ARMCX2: variants seen among roughly 807,000 people sequenced by gnomAD.
ARMCX2 encodes armadillo repeat-containing X-linked protein 2.
ARMCX2 carries 2 observed loss-of-function variants against 17.0 expected under a neutral mutation model. The observed-to-expected ratio is 0.12, with a 90% CI of 0.05 to 0.37. The LOEUF (loss-of-function observed/expected upper bound fraction) is 0.37. Ranked by LOEUF, ARMCX2 falls within the 10% of genes least tolerant of loss-of-function variation. ARMCX2 has a pLI of 1.00. For synonymous variants in ARMCX2, 182 were observed against 195.2 expected (o/e 0.93, Z 0.57); for missense variants, 408 against 497.7 (o/e 0.82, Z 1.72).
rs1556070011 is a variant in ARMCX2, at chrX:101,657,416, C to T, written c.173G>A (p.Arg58Lys). ...CCCAAGGTCGATTGTGAATCCGGCT[C>T]TTAGCCCAGCTCTAGCCCTGGCTCC... ...GTGARARAGL[R>K]AGFTIDLGSG... Residue 58 changes from arginine (R) to lysine (K), a missense_variant, in exon 6 of 6, where the codon AGA becomes AAA. By Grantham distance (26) the Arg-to-Lys change is conservative. This residue lies in a region of ARMCX2 where 307 missense variants were observed against 326.8 expected (regional missense o/e 0.94). Coordinates refer to ENST00000356824, the MANE Select transcript of ARMCX2 (RefSeq NM_177949.4). 1 of 1,212,277 alleles carries T rather than the reference C, an allele frequency of 8.2e-7. No individual in the cohort carries two copies. The highest frequency in any genetic ancestry group is 1.1e-6 in the Non-Finnish European group (1 of 895,634).
chrX:101,659,546 G>A (rs1936535855), intron 1 of ARMCX2, 45 bp from the exon 2 acceptor site: 1 of 110,925 alleles, frequency 9.0e-6, no homozygotes, highest in African/African-American at 3.3e-5. Flanking sequence ...TGGAAAGGAA[G>A]TAAGCGGATT....
In ARMCX2 at chrX:101,657,700, GAGGCTT is replaced by G. The variant is rs1168840719; in HGVS notation, c.-118_-113del. ...TCAGTTTAGGCTTACAAGTTCTGCTGAGGCTTAGGCAGGGCCTAGGGGTAAAGGATA... is the reference window on the plus strand; with the variant it reads ...TCAGTTTAGGCTTACAAGTTCTGCTGAGGCAGGGCCTAGGGGTAAAGGATA... On this transcript the variant is annotated 5_prime_UTR_variant, in exon 6 of 6. Coordinates refer to ENST00000356824, the MANE Select transcript of ARMCX2 (RefSeq NM_177949.4). The G allele has an allele frequency of 2.5e-6, 2 of 806,104 alleles. No homozygotes were observed. The highest frequency in any genetic ancestry group is 3.6e-6 in the Non-Finnish European group (2 of 557,311). 66.4% of individuals were successfully genotyped at this position (806,104 alleles called of 1,213,427 possible).
At position 101,655,939 on chromosome X, in the gene ARMCX2, C is replaced by T. The variant is rs1556049375; in HGVS notation, c.1650G>A (p.Val550=). Reference sequence around the variant, plus strand: ...TATAGAGGGAACTAAATGATGCTGGCACTTGGGTACTGAGAAGTTTCTTCA... The same window carrying T: ...TATAGAGGGAACTAAATGATGCTGGTACTTGGGTACTGAGAAGTTTCTTCA... ...DMLKKLLSTQ[V]PASFSSLYNS... The change falls in exon 6 of 6, where the codon GTG becomes GTA. Residue 550 remains valine, a synonymous_variant. Coordinates refer to ENST00000356824, the MANE Select transcript of ARMCX2 (RefSeq NM_177949.4). The T allele has an allele frequency of 5.8e-6, 7 of 1,209,459 alleles. No homozygotes were observed. In the South Asian group the frequency reaches 1.2e-4, roughly 21 times the overall value.
Position 101,657,312 on chromosome X carries a change from C to A in ARMCX2, c.277G>T (p.Val93Phe). Reference sequence around the variant, plus strand: ...GCTGGGGCCACTGCCTCAGCTCCAACTGTGTCCAGAGCAGAGGCTTCATCC... The same window carrying A: ...GCTGGGGCCACTGCCTCAGCTCCAAATGTGTCCAGAGCAGAGGCTTCATCC... The part of the protein sequence containing the change: ...AQDEASALDT[V>F]GAEAVAPAAS... The change falls in exon 6 of 6, where the codon GTT becomes TTT. Residue 93 changes from valine to phenylalanine, a missense_variant. Transcript: ENST00000356824. 1 of 1,209,933 alleles carries A rather than the reference C, an allele frequency of 8.3e-7. No individual in the cohort carries two copies. The highest frequency in any genetic ancestry group is 1.1e-6 in the Non-Finnish European group (1 of 893,664).
rs377656852 is a variant in ARMCX2 at position 101,655,811 on chromosome X, T to C, written c.1778A>G (p.Lys593Arg). The change falls in exon 6 of 6, where the codon AAA becomes AGA. Residue 593 changes from lysine (K) to arginine (R), a missense_variant. Lys to Arg is a conservative substitution (Grantham distance 26, BLOSUM62 2). Around this residue, in one of 2 missense-constraint regions of ARMCX2, gnomAD observed 101 missense variants for 170.9 expected, o/e 0.59. Coordinates refer to ENST00000356824, the MANE Select transcript of ARMCX2 (RefSeq NM_177949.4). ...AGTGCATAAGTAAAAAAGGGAACCT[T>C]TATTGAATTCTCTATAGTTAAACAC... is the stretch of plus-strand genomic sequence containing the variant. ...AEVFNYREFN[K>R]GSLFYLCTTS... The C allele has an allele frequency of 1.7e-6, 2 of 1,202,594 alleles. No individual in the cohort carries two copies. Among genetic ancestry groups the C allele is most frequent in the African/African-American group, 3.5e-5 (2 of 56,855 alleles).
Position 101,656,831 on chromosome X carries a change from G to A in ARMCX2, c.758C>T (p.Thr253Ile). 2 of 1,211,712 alleles carry A rather than the reference G, an allele frequency of 1.7e-6. No individual in the cohort carries two copies. The highest frequency in any genetic ancestry group is 2.2e-6 in the Non-Finnish European group (2 of 895,488). ...GSPRTAVVPG[T>I]SAAKKATPGA... ...AGGGGTTGCTTTCTTGGCAGCTGAT[G>A]TTCCAGGAACCACCGCTGTTCTAGG... Residue 253 changes from threonine to isoleucine, a missense_variant, in exon 6 of 6, where the codon ACA becomes ATA. Physicochemically the swap from Thr to Ile is moderately conservative, Grantham distance 89. Around this residue, in one of 2 missense-constraint regions of ARMCX2, gnomAD observed 307 missense variants for 326.8 expected, o/e 0.94. Coordinates refer to ENST00000356824, the MANE Select transcript of ARMCX2 (RefSeq NM_177949.4).
In ARMCX2 at chrX:101,657,318, C is replaced by T; in HGVS notation, c.271G>A (p.Asp91Asn). The part of the protein sequence containing the change: ...DRAQDEASAL[D>N]TVGAEAVAPA... ...GCCACTGCCTCAGCTCCAACTGTGT[C>T]CAGAGCAGAGGCTTCATCCTGGGCC... The change falls in exon 6 of 6, where the codon GAC (aspartate) becomes AAC (asparagine). Residue 91 changes from aspartate (D) to asparagine (N), a missense_variant. Physicochemically the swap from Asp to Asn is conservative, Grantham distance 23. Coordinates refer to ENST00000356824, the MANE Select transcript of ARMCX2 (RefSeq NM_177949.4). 1 of 1,210,154 alleles carries T rather than the reference C, an allele frequency of 8.3e-7. No homozygotes were observed. The highest frequency in any genetic ancestry group is 1.1e-6 in the Non-Finnish European group (1 of 893,990).
chrX:101,658,922 G>GCC (rs1936481876), intron 3 of ARMCX2, among the ~76,000 whole-genome samples, 154 bp downstream of exon 3: 1 of 111,415 alleles, frequency 9.0e-6, no homozygotes, highest in African/African-American at 3.3e-5. Flanking sequence ...TCGCTCCCCA[G>GCC]CCCCTAGGCC....
Position 101,656,690 on chromosome X carries a change from C to T in ARMCX2, c.899G>A (p.Ser300Asn). The T allele has an allele frequency of 8.3e-7, 1 of 1,211,336 alleles. No homozygotes were observed. Among genetic ancestry groups the T allele is most frequent in the Non-Finnish European group, 1.1e-6 (1 of 895,393 alleles). Residue 300 changes from serine (S) to asparagine (N), a missense_variant, in exon 6 of 6, where the codon AGC (serine) becomes AAC (asparagine). Around this residue, in one of 2 missense-constraint regions of ARMCX2, gnomAD observed 307 missense variants for 326.8 expected, o/e 0.94. Transcript: ENST00000356824. ...CCCCAGTTCGTCTACTTCAACTTTGCTTTTCTTGCCCTTGCCCTTGCCCCC... is the reference window on the plus strand; with the variant it reads ...CCCCAGTTCGTCTACTTCAACTTTGTTTTTCTTGCCCTTGCCCTTGCCCCC... The part of the protein sequence containing the change: ...RNGGKGKGKK[S>N]KVEVDELGMG...
chrX:101,657,659 G>A lies in ARMCX2; in HGVS notation c.-71C>T. On this transcript the variant is annotated 5_prime_UTR_variant, in exon 6 of 6. In the 5' UTR this introduces an upstream ATG that the reference lacks. Transcript: ENST00000356824. Reference sequence around the variant, plus strand: ...GCTTAAGGTTAAGGGATGCCTGCTCGTCCGGGTGAGGCTCTTCAGTTTAGG... The same window carrying A: ...GCTTAAGGTTAAGGGATGCCTGCTCATCCGGGTGAGGCTCTTCAGTTTAGG... 2.9e-6 allele frequency: 3 copies of A among 1,028,976 alleles called. No individual in the cohort carries two copies. Among genetic ancestry groups the A allele is most frequent in the East Asian group, 3.0e-5 (1 of 32,791 alleles). The allele number at this position is 1,028,976 out of a possible 1,213,427, so 84.8% of individuals were successfully genotyped here.
rs151140402 is a variant in ARMCX2, at chrX:101,656,845, C to T, written c.744G>A (p.Ala248=). ...TGGCAGCTGATGTTCCAGGAACCACCGCTGTTCTAGGGGAACCAGAAGTTC... is the reference window on the plus strand; with the variant it reads ...TGGCAGCTGATGTTCCAGGAACCACTGCTGTTCTAGGGGAACCAGAAGTTC... ...SPGTSGSPRT[A]VVPGTSAAKK... The change falls in exon 6 of 6, where the codon GCG becomes GCA. Residue 248 remains alanine, a synonymous_variant. Coordinates refer to ENST00000356824, the MANE Select transcript of ARMCX2 (RefSeq NM_177949.4). The T allele has an allele frequency of 1.1e-5, 13 of 1,209,622 alleles. No homozygotes were observed. The highest frequency in any genetic ancestry group is 1.1e-4 in the African/African-American group (6 of 56,987).
In ARMCX2 at chrX:101,657,141, C is replaced by T; in HGVS notation, c.448G>A (p.Gly150Arg). The T allele has an allele frequency of 8.4e-7, 1 of 1,190,028 alleles. No individual in the cohort carries two copies. The highest frequency in any genetic ancestry group is 3.0e-5 in the East Asian group (1 of 33,536). Residue 150 changes from glycine (G) to arginine (R), a missense_variant, in exon 6 of 6, where the codon GGG becomes AGG. This residue lies in a region of ARMCX2 where 307 missense variants were observed against 326.8 expected (regional missense o/e 0.94). Coordinates refer to ENST00000356824, the MANE Select transcript of ARMCX2 (RefSeq NM_177949.4). ...GCCATTGCAGGGGCTTCTGCAGCCC[C>T]AAGGGCCTCTGTCACCCCGGGAGGT... is the stretch of plus-strand genomic sequence containing the variant. ...APPPGVTEAL[G>R]AAEAPAMAGA...
In ARMCX2 at chrX:101,657,681, T is replaced by C. The variant is rs1936374890; in HGVS notation, c.-93A>G. On this transcript the variant is annotated 5_prime_UTR_variant, in exon 6 of 6. Coordinates refer to ENST00000356824, the MANE Select transcript of ARMCX2 (RefSeq NM_177949.4). ...CTCGTCCGGGTGAGGCTCTTCAGTTTAGGCTTACAAGTTCTGCTGAGGCTT... is the reference window on the plus strand; with the variant it reads ...CTCGTCCGGGTGAGGCTCTTCAGTTCAGGCTTACAAGTTCTGCTGAGGCTT... 1.1e-6 allele frequency: 1 copy of C among 936,655 alleles called. No homozygotes were observed. Among genetic ancestry groups the C allele is most frequent in the Non-Finnish European group, 1.5e-6 (1 of 671,379 alleles). The allele number at this position is 936,655 out of a possible 1,213,427, so 77.2% of individuals were successfully genotyped here.
Position 101,657,214 on chromosome X carries a change from A to T in ARMCX2, c.375T>A (p.Pro125=), listed in dbSNP as rs1556065895. The T allele has an allele frequency of 2.5e-6, 3 of 1,196,482 alleles. No homozygotes were observed. The Admixed American group carries it at 6.7e-5, about 27-fold the overall frequency. Residue 125 remains proline, a synonymous_variant, in exon 6 of 6, where the codon CCT becomes CCA. Transcript: ENST00000356824. ...CAGCCCCAACTACTGATTCGGCCTT[A>T]GGCCCAACCCCGGCTCCATCTGCCT... The part of the protein sequence containing the change: ...AQEADGAGVG[P]KAESVVGAAM...
rs149321969 is a variant in ARMCX2 at position 101,657,159 on chromosome X, C to A, written c.430G>T (p.Gly144Trp). The change falls in exon 6 of 6, where the codon GGG becomes TGG. Residue 144 changes from glycine (G) to tryptophan (W), a missense_variant. Coordinates refer to ENST00000356824, the MANE Select transcript of ARMCX2 (RefSeq NM_177949.4). ...AMASAIAPPPGVTEALGAAEA... is the reference protein window; with the variant it reads ...AMASAIAPPPWVTEALGAAEA... Reference sequence around the variant, plus strand: ...GCAGCCCCAAGGGCCTCTGTCACCCCGGGAGGTGGTGCTATTGCAGAAGCC... The same window carrying A: ...GCAGCCCCAAGGGCCTCTGTCACCCAGGGAGGTGGTGCTATTGCAGAAGCC... 61 of 1,186,741 alleles carry A rather than the reference C, an allele frequency of 5.1e-5. No homozygotes were observed. Among genetic ancestry groups the A allele is most frequent in the Non-Finnish European group, 6.6e-5 (58 of 882,749 alleles).
chrX:101,656,512 C>T lies in ARMCX2; in HGVS notation c.1077G>A (p.Gln359=). The T allele has an allele frequency of 1.7e-6, 2 of 1,210,780 alleles. No homozygotes were observed. The highest frequency in any genetic ancestry group is 2.2e-6 in the Non-Finnish European group (2 of 895,294). The part of the protein sequence containing the change: ...ESDSDSEPET[Q]RRGRGRRPVA... ...CGGGTCTTCTTCCCCTCCCTCTGCG[C>T]TGGGTCTCGGGCTCAGAGTCTGAAT... Residue 359 remains glutamine (Q), a synonymous_variant, in exon 6 of 6, where the codon CAG becomes CAA. Transcript: ENST00000356824.
rs1213754787 is a variant in ARMCX2 at position 101,659,093 on chromosome X, G to A, written c.-280C>T. ...CTGCATACCCGAATTCCTTTTCCAG[G>A]ACTGAAAAGACGGGGGGTGAACGGC... On this transcript the variant is annotated 5_prime_UTR_variant, in exon 3 of 6. Transcript: ENST00000356824. 2 of 111,413 alleles carry A rather than the reference G, an allele frequency of 1.8e-5. No individual in the cohort carries two copies. The highest frequency in any genetic ancestry group is 2.8e-4 in the East Asian group (1 of 3,533). 9.2% of individuals were successfully genotyped at this position (111,413 alleles called of 1,213,427 possible).
rs782811435 is a variant in ARMCX2 at position 101,657,411 on chromosome X, C to T, written c.178G>A (p.Gly60Arg). Residue 60 changes from glycine (G) to arginine (R), a missense_variant, in exon 6 of 6, where the codon GGA becomes AGA. By Grantham distance (125) the Gly-to-Arg change is moderately radical. Transcript: ENST00000356824. ...CCTGACCCAAGGTCGATTGTGAATC[C>T]GGCTCTTAGCCCAGCTCTAGCCCTG... ...GARARAGLRA[G>R]FTIDLGSGFS... 8 of 1,212,203 alleles carry T rather than the reference C, an allele frequency of 6.6e-6. No homozygotes were observed. Among genetic ancestry groups the T allele is most frequent in the South Asian group, 5.3e-5 (3 of 57,022 alleles).
rs372161290 is a variant in ARMCX2 at position 101,656,308 on chromosome X, C to T, written c.1281G>A (p.Leu427=). 2 of 1,210,542 alleles carry T rather than the reference C, an allele frequency of 1.7e-6. No individual in the cohort carries two copies. The part of the protein sequence containing the change: ...YSCNQETIRK[L]GGLPIIANMI... ...TGTTTGCAATAATTGGGAGGCCTCC[C>T]AATTTGCGGATTGTCTCTTGATTGC... The change falls in exon 6 of 6, where the codon TTG becomes TTA. Residue 427 remains leucine, a synonymous_variant. Coordinates refer to ENST00000356824, the MANE Select transcript of ARMCX2 (RefSeq NM_177949.4).
Sources: allele counts gnomAD v4.1 joint callset (sites outside exome capture counted in the v4.1 genomes callset), GRCh38; gene constraint gnomAD v4.1.1; regional missense constraint gnomAD v4.1.1; transcripts MANE v1.5; gene names NCBI Gene and HGNC (gene_info 2026-07-23, HGNC 2026-07-21).